ACOT11: variants seen among roughly 807,000 people sequenced by gnomAD.
ACOT11 encodes the protein acyl-CoA thioesterase 11.
ACOT11 carries 69 observed loss-of-function variants against 77.5 expected under a neutral mutation model. The observed-to-expected ratio is 0.89, with a 90% CI of 0.73 to 1.09. The LOEUF (loss-of-function observed/expected upper bound fraction) is 1.09. ACOT11 is among the 50% of genes least tolerant of loss of function. The probability of loss-of-function intolerance (pLI) is 0.00; values close to 1 mark genes in which losing one functional copy is unlikely to be tolerated. For synonymous variants in ACOT11, 279 were observed against 313.0 expected, an observed-to-expected ratio of 0.89 and a Z score of 1.15; for missense variants, 766 against 813.7, an observed-to-expected ratio of 0.94 and a Z score of 0.71.
At chr1:54,558,075 T>C (rs1277785751) in intron 1 of ACOT11, among the ~76,000 whole-genome samples, 1 of 152,194 alleles carries the variant, frequency 6.6e-6, no homozygotes, top group Non-Finnish European at 1.5e-5. Context: ...CTAGAGTTAA[T>C]GACGTCTCCT....
In ACOT11 at chr1:54,554,311, G is replaced by A. The variant is rs868029458; in HGVS notation, c.33+5969G>A. ...CCATAGTGTGTGTGTGTGTGTGTGT[G>A]TGTGTGTGTGTGTGTGTGTGTGTAT... On this transcript the variant is annotated intron_variant, in intron 1 of 15. Transcript: ENST00000343744. Among the ~76,000 whole-genome samples, 367 of 73,046 alleles carry A rather than the reference G, an allele frequency of 5.0e-3. 4 individuals carry two copies. The highest frequency in any genetic ancestry group is 0.017 in the Middle Eastern group (3 of 176). 47.9% of individuals were successfully genotyped at this position (73,046 alleles called of 152,430 possible).
At position 54,623,988 on chromosome 1, in the gene ACOT11, A is replaced by G. The variant is rs1644256284; in HGVS notation, c.1630-6746A>G. 2.0e-5 allele frequency among the ~76,000 whole-genome samples: 3 copies of G among 152,342 alleles called. No individual in the cohort carries two copies. The South Asian group carries it at 6.2e-4, about 32-fold the overall frequency. ...TTCCTTTCATCTGAGATTATGGTTA[A>G]CAGATTATCTACCTGGGATAGAAAT... On this transcript the variant is annotated intron_variant, in intron 15 of 16. Coordinates refer to the ACOT11 transcript ENST00000371316.
intron 3 of ACOT11, 108 bp downstream of exon 3, chr1:54,586,012 C>T (rs1003604548): frequency 4.3e-6 from 5 of 1,157,910 alleles, no homozygotes; most frequent in Non-Finnish European, 6.1e-6. Flanking sequence ...TAGAGCCTGA[C>T]TCAACTGACT....
Position 54,572,576 on chromosome 1 carries a change from G to T in ACOT11, c.34-12079G>T, listed in dbSNP as rs12406758. Among the ~76,000 whole-genome samples the T allele has an allele frequency of 4.5e-3, 689 of 152,260 alleles. 1 individual carries two copies. Among genetic ancestry groups the T allele is most frequent in the Middle Eastern group, 0.017 (5 of 294 alleles). The stretch of plus-strand genomic sequence containing the variant: ...GTCAAAGCAGCTCCCCTGAGGGGGG[G>T]GGTCACACGGAAAGGGCGGGTCATT... On this transcript the variant is annotated intron_variant, in intron 1 of 15. Coordinates refer to ENST00000343744, the MANE Select transcript of ACOT11 (RefSeq NM_147161.4).
chr1:54,633,209 G>A (rs1164985639), intron 16 of ACOT11, among the ~76,000 whole-genome samples: 1 of 152,188 alleles, frequency 6.6e-6, no homozygotes, highest in Admixed American at 6.5e-5. Flanking sequence ...AAGCCAATTT[G>A]GATAGCACAT....
At chr1:54,605,032 C>T (rs1644008387) in intron 12 of ACOT11, 44 bp from the exon 13 acceptor site, 2 of 1,577,234 alleles carry the variant, frequency 1.3e-6, no homozygotes, top group Non-Finnish European at 1.7e-6. Context: ...CCCATCAGTC[C>T]ACTCCACCAC....
chr1:54,627,939 G>A (rs192043701), intron 15 of ACOT11, among the ~76,000 whole-genome samples: 1 of 133,194 alleles, frequency 7.5e-6, no homozygotes, highest in Admixed American at 7.7e-5. Context: ...GGAGGCGGAG[G>A]GGGAGAGAAA....
At chr1:54,597,722 GT>G (rs1157116646) in intron 7 of ACOT11, 3 of 373,300 alleles carry the variant, frequency 8.0e-6, no homozygotes, top group African/African-American at 4.2e-5. Context: ...TAGTATCTAT[GT>G]TCGCTTCACA....
chr1:54,589,647 GTAT>G (rs1468186453), intron 3 of ACOT11, among the ~76,000 whole-genome samples: 1 of 151,594 alleles, frequency 6.6e-6, no homozygotes, highest in Non-Finnish European at 1.5e-5. Flanking sequence ...ATTAAATTTT[GTAT>G]TATTATTTTG....
chr1:54,617,392 C>G (rs530100484), intron 15 of ACOT11, among the ~76,000 whole-genome samples: 164 of 150,840 alleles, frequency 1.1e-3, no homozygotes, highest in African/African-American at 3.9e-3. Flanking sequence ...TGCTTCCCTG[C>G]AAGTCTGTTC....
rs772387844 is a variant in ACOT11 at position 54,594,015 on chromosome 1, C to T, written c.447C>T (p.Phe149=). 55 of 1,614,016 alleles carry T rather than the reference C, an allele frequency of 3.4e-5. No individual in the cohort carries two copies. Among genetic ancestry groups the T allele is most frequent in the Non-Finnish European group, 4.1e-5 (48 of 1,179,932 alleles). ...ATGTGTGCAAGGCCTTGGCCACCTTCGTGGCCCGCCGAGAGATCACCAAGG... is the reference window on the plus strand; with the variant it reads ...ATGTGTGCAAGGCCTTGGCCACCTTTGTGGCCCGCCGAGAGATCACCAAGG... The part of the protein sequence containing the change: ...QWNVCKALAT[F]VARREITKVK... Residue 149 remains phenylalanine (F), a synonymous_variant, in exon 5 of 16, where the codon TTC becomes TTT. Transcript: ENST00000343744.
At chr1:54,596,550 A>C (rs925472492) in intron 6 of ACOT11, among the ~76,000 whole-genome samples, 4 of 152,176 alleles carry the variant, frequency 2.6e-5, no homozygotes, top group Non-Finnish European at 4.4e-5. Context: ...TTTTGAGAGC[A>C]TATTTACTGG....
At chr1:54,561,638 G>A (rs1409166633) in intron 1 of ACOT11, among the ~76,000 whole-genome samples, 1 of 134,370 alleles carries the variant, frequency 7.4e-6, no homozygotes, top group Admixed American at 7.1e-5. Flanking sequence ...AGACAGGGTG[G>A]TGGCCGGGCA....
At chr1:54,551,797 AG>A (rs1262733932) in intron 1 of ACOT11, among the ~76,000 whole-genome samples, 2 of 151,322 alleles carry the variant, frequency 1.3e-5, no homozygotes, top group East Asian at 3.9e-4. Context: ...TCTGTCACCC[AG>A]GAGTGCGGTG....
chr1:54,619,903 C>T lies in ACOT11; in HGVS notation c.1630-10831C>T, dbSNP rs745746159. On this transcript the variant is annotated intron_variant, in intron 15 of 16. Transcript: ENST00000371316. ...GTCATGGCTTTCTTGCTGTTGGCTGCGTGGTACCAGGTGACCTCCAAGGCA... is the reference window on the plus strand; with the variant it reads ...GTCATGGCTTTCTTGCTGTTGGCTGTGTGGTACCAGGTGACCTCCAAGGCA... The T allele has an allele frequency of 7.4e-6, 12 of 1,614,002 alleles. No homozygotes were observed. In the East Asian group the frequency reaches 1.6e-4, roughly 21 times the overall value.
chr1:54,620,359 C>G (rs760736645), intron 15 of ACOT11, among the ~76,000 whole-genome samples: 1 of 152,182 alleles, frequency 6.6e-6, no homozygotes, highest in Non-Finnish European at 1.5e-5. Flanking sequence ...GTGCAGTTGC[C>G]TGAAGAGCCA....
At chr1:54,594,731 G>A (rs369896715) in intron 6 of ACOT11, 40 bp downstream of exon 6, 137 of 1,583,348 alleles carry the variant, frequency 8.7e-5, no homozygotes, top group East Asian at 5.2e-4. Flanking sequence ...GGTAGCTGGC[G>A]TCCTGCATGG....
chr1:54,589,338 T>TG lies in ACOT11; in HGVS notation c.312-3208_312-3207insG, dbSNP rs1553163551. Among the ~76,000 whole-genome samples the TG allele has an allele frequency of 6.3e-3, 918 of 146,606 alleles. 14 individuals carry two copies. Among genetic ancestry groups the TG allele is most frequent in the African/African-American group, 0.017 (674 of 39,290 alleles). Reference sequence around the variant, plus strand: ...GGCCCTTTTTTTTTTTTTTTTTTTTTAGAGAAGGATTCTTTTTAAACACAA... The same window carrying TG: ...GGCCCTTTTTTTTTTTTTTTTTTTTTGAGAGAAGGATTCTTTTTAAACACAA... On this transcript the variant is annotated intron_variant, in intron 3 of 15. Coordinates refer to ENST00000343744, the MANE Select transcript of ACOT11 (RefSeq NM_147161.4).
intron 15 of ACOT11, among the ~76,000 whole-genome samples, chr1:54,622,439 G>A (rs143414792): frequency 3.4e-4 from 52 of 152,188 alleles, no homozygotes; most frequent in African/African-American, 1.2e-3. Flanking sequence ...TTAGCTGAGC[G>A]TGGTGGCGCA....
Sources: allele counts gnomAD v4.1 joint callset (sites outside exome capture counted in the v4.1 genomes callset), GRCh38; gene constraint gnomAD v4.1.1; transcripts MANE v1.5; gene names NCBI Gene and HGNC (gene_info 2026-07-23, HGNC 2026-07-21).